Variants in AATF observed in about 807,000 individuals in gnomAD.
AATF encodes the protein apoptosis antagonizing transcription factor.
A neutral mutation model predicts 63.7 loss-of-function variants in AATF; 48 were observed. The ratio of observed to expected loss-of-function variants is 0.75; its 90% CI spans 0.60 to 0.96. The LOEUF is 0.96. Among genes scored for constraint, AATF ranks in the 40% least tolerant of loss-of-function variants. The pLI is 0.00. For missense variants in AATF, 639 were observed against 685.7 expected, an observed-to-expected ratio of 0.93 and a Z score of 0.76; for synonymous variants, 258 against 247.7, an observed-to-expected ratio of 1.04 and a Z score of -0.39.
chr17:36,989,766 G>A (rs2071199118), intron 7 of AATF, among the ~76,000 whole-genome samples: 1 of 152,112 alleles, frequency 6.6e-6, no homozygotes, highest in African/African-American at 2.4e-5. Flanking sequence ...TGCCATTTAG[G>A]TACTTTAGAA....
intron 8 of AATF, among the ~76,000 whole-genome samples, chr17:37,010,034 A>G (rs988159816): frequency 1.3e-5 from 2 of 152,184 alleles, no homozygotes; most frequent in South Asian, 2.1e-4. Flanking sequence ...TAGGTCGATA[A>G]TGGTGCCCTG....
intron 4 of AATF, among the ~76,000 whole-genome samples, chr17:36,970,065 A>G (rs568605518): frequency 6.6e-6 from 1 of 152,344 alleles, no homozygotes; most frequent in Admixed American, 6.5e-5. Context: ...GGCTATTACA[A>G]ATAAATCTGC....
chr17:37,047,614 G>C (rs1414851808), intron 11 of AATF, among the ~76,000 whole-genome samples: 1 of 152,208 alleles, frequency 6.6e-6, no homozygotes, highest in Admixed American at 6.5e-5. Flanking sequence ...GCCAGAGGCC[G>C]TGTGTCACCA....
chr17:36,957,551 T>TA lies in AATF; in HGVS notation c.832+3645dup, dbSNP rs559880478. On this transcript the variant is annotated intron_variant, in intron 4 of 11. Transcript: ENST00000619387. ...TACTTACAATGCAGTGTTGGCCTCT[T>TA]ACGACGCTATGGAAAGATGGCTACA... 8.1e-4 allele frequency among the ~76,000 whole-genome samples: 124 copies of TA among 152,350 alleles called. 1 individual carries two copies. The highest frequency in any genetic ancestry group is 2.9e-3 in the African/African-American group (121 of 41,586).
chr17:36,951,787 A>G (rs1293654543), intron 2 of AATF, among the ~76,000 whole-genome samples: 2 of 152,168 alleles, frequency 1.3e-5, no homozygotes, highest in South Asian at 2.1e-4. Flanking sequence ...TAGTTTTTGT[A>G]TTTATATTTT....
At chr17:36,988,426 C>T (rs1056753414) in intron 5 of AATF, 93 bp from the exon 6 acceptor site, 19 of 1,211,188 alleles carry the variant, frequency 1.6e-5, no homozygotes, top group Middle Eastern at 2.6e-4. Context: ...ACAGGTAAGG[C>T]CTAAATATTC....
chr17:36,986,000 A>G (rs1039330454), intron 4 of AATF, among the ~76,000 whole-genome samples: 3 of 152,218 alleles, frequency 2.0e-5, no homozygotes, highest in Admixed American at 6.5e-5. Flanking sequence ...AATACTGCAA[A>G]TAGAAAGTGA....
chr17:37,017,865 A>G (rs1457825373), intron 8 of AATF, among the ~76,000 whole-genome samples: 3 of 152,210 alleles, frequency 2.0e-5, no homozygotes, highest in Admixed American at 1.3e-4. Flanking sequence ...ATCTGCTTTC[A>G]GAGGAATTTA....
intron 11 of AATF, among the ~76,000 whole-genome samples, chr17:37,036,313 T>TC (rs1244607828): frequency 3.9e-5 from 6 of 152,082 alleles, no homozygotes; most frequent in East Asian, 1.9e-4. Context: ...TATCCTTGAA[T>TC]CCCCCCCATA....
At chr17:36,993,003 A>G (rs1376731206) in intron 8 of AATF, among the ~76,000 whole-genome samples, 5 of 152,216 alleles carry the variant, frequency 3.3e-5, no homozygotes, top group African/African-American at 9.6e-5. Flanking sequence ...CTGCTACACC[A>G]ACTGCTGCCA....
chr17:37,018,790 T>C (rs1012934476), intron 8 of AATF, among the ~76,000 whole-genome samples: 1 of 152,218 alleles, frequency 6.6e-6, no homozygotes, highest in Non-Finnish European at 1.5e-5. Context: ...CCAAATGGAC[T>C]TCTGTTCTCA....
In AATF at chr17:36,989,253, G is replaced by C; in HGVS notation, c.1156G>C (p.Gly386Arg). The change falls in exon 7 of 12, where the codon GGT becomes CGT. Residue 386 changes from glycine (G) to arginine (R), a missense_variant. Coordinates refer to ENST00000619387, the MANE Select transcript of AATF (RefSeq NM_012138.4). ...LASGKLGKGF[G>R]AFERSILTQI... ...CTGCTTAATGTTGTTGCAGGGTTTTGGTGCCTTTGAACGCTCAATCTTGAC... is the reference window on the plus strand; with the variant it reads ...CTGCTTAATGTTGTTGCAGGGTTTTCGTGCCTTTGAACGCTCAATCTTGAC... The C allele has an allele frequency of 6.2e-7, 1 of 1,611,474 alleles. No homozygotes were observed. Among genetic ancestry groups the C allele is most frequent in the Non-Finnish European group, 8.5e-7 (1 of 1,178,504 alleles).
intron 4 of AATF, among the ~76,000 whole-genome samples, chr17:36,971,543 C>T (rs376269853): frequency 6.6e-5 from 10 of 152,316 alleles, no homozygotes; most frequent in African/African-American, 2.4e-4. Flanking sequence ...ATATATTCAT[C>T]ATACGAGCCT....
At chr17:36,953,707 C>A in intron 3 of AATF, 63 bp from the exon 4 acceptor site, 1 of 1,547,726 alleles carries the variant, frequency 6.5e-7, no homozygotes, top group South Asian at 1.2e-5. Context: ...TTCCCCACCC[C>A]TGCCACCTCA....
chr17:36,957,715 G>T (rs1228957386), intron 4 of AATF, among the ~76,000 whole-genome samples: 3 of 152,066 alleles, frequency 2.0e-5, no homozygotes, highest in Non-Finnish European at 4.4e-5. Context: ...GGTTCCTTTT[G>T]TATCCTCTCA....
intron 11 of AATF, among the ~76,000 whole-genome samples, chr17:37,040,753 C>CG (rs1567994109): frequency 1.3e-5 from 2 of 151,936 alleles, no homozygotes; most frequent in African/African-American, 4.8e-5. Flanking sequence ...TGCTTCCCCC[C>CG]CCACGCTTTC....
At chr17:36,950,576 C>T (rs1280921601) in intron 2 of AATF, among the ~76,000 whole-genome samples, 171 bp downstream of exon 2, 2 of 152,104 alleles carry the variant, frequency 1.3e-5, no homozygotes, top group African/African-American at 2.4e-5. Context: ...CTCGGCTCAC[C>T]GCAACCTCCA....
chr17:36,955,216 A>G (rs112785084), intron 4 of AATF, among the ~76,000 whole-genome samples: 3,776 of 152,312 alleles, frequency 0.025, 56 homozygotes, highest in Non-Finnish European at 0.036. Context: ...TGTAGGTAGA[A>G]CCGCCTTAAG....
chr17:37,022,619 G>C (rs1004926953), intron 10 of AATF, among the ~76,000 whole-genome samples: 1 of 152,166 alleles, frequency 6.6e-6, no homozygotes, highest in Admixed American at 6.5e-5. Flanking sequence ...CAGACTGCCT[G>C]AGTTTGAATC....
Sources: gnomAD v4.1 joint callset for allele counts (sites outside exome capture counted in the v4.1 genomes callset) on GRCh38, gnomAD v4.1.1 for gene constraint, MANE v1.5 for transcripts, NCBI Gene and HGNC (gene_info 2026-07-23, HGNC 2026-07-21) for gene names.